The following UMAD1 variants were observed in gnomAD, a reference collection of about 807,000 sequenced individuals.
The protein encoded by UMAD1 is UBAP1-MVB12-associated (UMA) domain containing 1.
UMAD1 carries 8 observed loss-of-function variants against 6.1 expected under a neutral mutation model. That is an observed-to-expected ratio of 1.30 (90% CI 0.76 to 2.35). The LOEUF (loss-of-function observed/expected upper bound fraction) is 2.35. Among genes scored for constraint, UMAD1 ranks in the 30% most tolerant of loss-of-function variants. UMAD1 has a pLI of 0.00. For synonymous variants in UMAD1, 56 were observed against 31.4 expected (o/e 1.78, Z -2.61); for missense variants, 130 against 78.4 (o/e 1.66, Z -2.49).
At chr7:7,772,750 A>G (rs1206315646) in intron 2 of UMAD1, among the ~76,000 whole-genome samples, 2 of 152,198 alleles carry the variant, frequency 1.3e-5, no homozygotes, top group African/African-American at 2.4e-5. Flanking sequence ...TGGGCTCACA[A>G]AAACATTTGC....
intron 3 of UMAD1, among the ~76,000 whole-genome samples, chr7:7,856,820 C>A (rs1784027689): frequency 6.6e-6 from 1 of 152,184 alleles, no homozygotes; most frequent in Non-Finnish European, 1.5e-5. Flanking sequence ...CCATACAGGT[C>A]TCTTTTCAAA....
At chr7:7,783,426 C>A (rs866588484) in intron 2 of UMAD1, among the ~76,000 whole-genome samples, 18 of 150,210 alleles carry the variant, frequency 1.2e-4, no homozygotes, top group Middle Eastern at 3.4e-3. Flanking sequence ...AAGAGAAATT[C>A]AGATGCTGCA....
intron 1 of UMAD1, among the ~76,000 whole-genome samples, chr7:7,650,213 T>C (rs894039925): frequency 1.2e-4 from 18 of 152,244 alleles, no homozygotes; most frequent in African/African-American, 3.9e-4. Flanking sequence ...TACGTTCTTG[T>C]AACTCTGCCT....
chr7:7,752,236 TGAAAA>T (rs1322287685), intron 2 of UMAD1, among the ~76,000 whole-genome samples: 2 of 152,272 alleles, frequency 1.3e-5, no homozygotes, highest in South Asian at 4.1e-4. Context: ...AGTAATGCAT[TGAAAA>T]GAAAAGTTTC....
chr7:7,657,739 G>A (rs1785377154), intron 1 of UMAD1, among the ~76,000 whole-genome samples: 1 of 152,144 alleles, frequency 6.6e-6, no homozygotes, highest in Non-Finnish European at 1.5e-5. Context: ...TTGAAGTCAG[G>A]TAGTGTGATG....
chr7:7,696,156 C>G (rs1197980058), intron 2 of UMAD1, among the ~76,000 whole-genome samples: 1 of 151,766 alleles, frequency 6.6e-6, no homozygotes, highest in Non-Finnish European at 1.5e-5. Flanking sequence ...CAGGCATGCA[C>G]CACCATGCCC....
At chr7:7,702,922 A>T (rs1316085630) in intron 2 of UMAD1, among the ~76,000 whole-genome samples, 4 of 152,168 alleles carry the variant, frequency 2.6e-5, no homozygotes, top group Non-Finnish European at 4.4e-5. Context: ...TACAGGGGAA[A>T]ATCATTTATT....
chr7:7,782,852 C>G (rs1460440277), intron 2 of UMAD1, among the ~76,000 whole-genome samples: 1 of 151,742 alleles, frequency 6.6e-6, no homozygotes, highest in Admixed American at 6.6e-5. Flanking sequence ...GCCTCAGCCT[C>G]CCAAATAGCT....
At chr7:7,693,303 C>CTATCTATG (rs139271049) in intron 2 of UMAD1, among the ~76,000 whole-genome samples, 1 of 146,264 alleles carries the variant, frequency 6.8e-6, no homozygotes, top group African/African-American at 2.8e-5. Flanking sequence ...CTTTATCTAT[C>CTATCTATG]TATCTATCTA....
intron 1 of UMAD1, among the ~76,000 whole-genome samples, chr7:7,660,741 CT>C (rs1785454198): frequency 6.6e-6 from 1 of 152,108 alleles, no homozygotes; most frequent in African/African-American, 2.4e-5. Flanking sequence ...ACATTTTTTC[CT>C]TCATTTCAAC....
chr7:7,790,072 G>A (rs1218914604), intron 2 of UMAD1, among the ~76,000 whole-genome samples: 2 of 151,932 alleles, frequency 1.3e-5, no homozygotes, highest in African/African-American at 2.4e-5. Context: ...TAAAAAGTAG[G>A]CAGATAATAG....
At chr7:7,666,192 GTT>G (rs1779451474) in intron 1 of UMAD1, among the ~76,000 whole-genome samples, 3 of 142,744 alleles carry the variant, frequency 2.1e-5, no homozygotes, top group African/African-American at 2.5e-5. Context: ...TTTTTTGTTT[GTT>G]TGTTTGTTTG....
intron 2 of UMAD1, among the ~76,000 whole-genome samples, chr7:7,681,572 C>T (rs548310202): frequency 3.3e-5 from 5 of 152,104 alleles, no homozygotes; most frequent in Non-Finnish European, 7.4e-5. Flanking sequence ...TTCCTATTCA[C>T]GTAAGAAGGT....
chr7:7,824,816 G>T (rs1346023298), intron 3 of UMAD1, among the ~76,000 whole-genome samples: 1 of 152,068 alleles, frequency 6.6e-6, no homozygotes, highest in African/African-American at 2.4e-5. Context: ...TGTTAAACTG[G>T]TCCTGTGTAT....
intron 3 of UMAD1, among the ~76,000 whole-genome samples, chr7:7,873,488 C>T (rs868220607): frequency 2.6e-5 from 4 of 152,210 alleles, no homozygotes; most frequent in Admixed American, 6.5e-5. Flanking sequence ...TTTCAGGAGA[C>T]AGGATCTGCC....
Position 7,879,175 on chromosome 7 carries a change from T to A in UMAD1, c.*1637T>A, listed in dbSNP as rs982111833. ...GTCTATAAAAAATGTTATATTTAAA[T>A]AAATGTGAATTAAAATAAAATTTTT... On this transcript the variant is annotated 3_prime_UTR_variant, in exon 4 of 4. Coordinates refer to ENST00000682710, the MANE Select transcript of UMAD1 (RefSeq NM_001302348.2). 8 of 152,198 alleles carry A rather than the reference T, an allele frequency of 5.3e-5. No individual in the cohort carries two copies. The highest frequency in any genetic ancestry group is 1.2e-4 in the Non-Finnish European group (8 of 68,002). 9.4% of individuals were successfully genotyped at this position (152,198 alleles called of 1,614,324 possible).
Position 7,802,593 on chromosome 7 carries a change from C to T in UMAD1, c.156+850C>T, listed in dbSNP as rs563587591. On this transcript the variant is annotated intron_variant, in intron 3 of 3. Coordinates refer to ENST00000682710, the MANE Select transcript of UMAD1 (RefSeq NM_001302348.2). ...AACATTATTTAATCACCAAAATAAT[C>T]ATCTTTAAGACTTAAGGGGAATGTT... Among the ~76,000 whole-genome samples the T allele has an allele frequency of 5.5e-4, 83 of 152,268 alleles. 2 individuals carry two copies. Among genetic ancestry groups the T allele is most frequent in the South Asian group, 2.1e-4 (1 of 4,826 alleles).
At chr7:7,708,028 A>G (rs142195096) in intron 2 of UMAD1, among the ~76,000 whole-genome samples, 1 of 152,298 alleles carries the variant, frequency 6.6e-6, no homozygotes, top group Non-Finnish European at 1.5e-5. Flanking sequence ...AGGTACTGAA[A>G]GTAATTTGCT....
At chr7:7,819,501 C>G (rs1031057189) in intron 3 of UMAD1, among the ~76,000 whole-genome samples, 3 of 152,148 alleles carry the variant, frequency 2.0e-5, no homozygotes, top group African/African-American at 7.2e-5. Flanking sequence ...AGAAATCACA[C>G]ATACACAAAA....
Sources: allele counts gnomAD v4.1 joint callset (sites outside exome capture counted in the v4.1 genomes callset), GRCh38; gene constraint gnomAD v4.1.1; transcripts MANE v1.5; gene names NCBI Gene and HGNC (gene_info 2026-07-23, HGNC 2026-07-21).